Variants in ALDH1L2 observed in about 807,000 individuals in gnomAD.
The protein encoded by ALDH1L2 is aldehyde dehydrogenase 1 family member L2.
In ALDH1L2, 91 loss-of-function variants were observed where a neutral mutation model predicts 111.0. The observed-to-expected ratio is 0.82, with a 90% CI of 0.69 to 0.98. ALDH1L2 has a LOEUF of 0.98. Among genes scored for constraint, ALDH1L2 ranks in the 50% least tolerant of loss-of-function variants. The pLI, the probability that ALDH1L2 is intolerant of heterozygous loss-of-function variation, is 0.00. For synonymous variants in ALDH1L2, 374 were observed against 392.6 expected (o/e 0.95, Z 0.56); for missense variants, 995 against 1,126.8 (o/e 0.88, Z 1.67).
intron 12 of ALDH1L2, chr12:105,050,457 C>T (rs796175287): frequency 2.4e-5 from 5 of 210,354 alleles, no homozygotes; most frequent in Non-Finnish European, 3.9e-5. Context: ...GCAACGTACA[C>T]AATGAATTAC....
rs563535261 is a variant in ALDH1L2 at position 105,048,723 on chromosome 12, G to A, written c.1686+1185C>T. The A allele has an allele frequency of 6.0e-4, 92 of 152,218 alleles. 1 individual carries two copies. Among genetic ancestry groups the A allele is most frequent in the African/African-American group, 2.1e-3 (87 of 41,526 alleles). The allele number at this position is 152,218 out of a possible 1,614,324, so 9.4% of individuals were successfully genotyped here. ...TTATTATTCCTGTATCTTTATCAAA[G>A]TTTTTCTTTAAAAAAATTTTTTTTT... On this transcript the variant is annotated intron_variant, in intron 13 of 22. Coordinates refer to ENST00000258494, the MANE Select transcript of ALDH1L2 (RefSeq NM_001034173.4).
intron 10 of ALDH1L2, among the ~76,000 whole-genome samples, chr12:105,055,840 G>A (rs1168705391): frequency 6.6e-6 from 1 of 151,892 alleles, no homozygotes; most frequent in Non-Finnish European, 1.5e-5. Context: ...ATTCAAGAAG[G>A]TGAAAAAAGC....
intron 13 of ALDH1L2, 176 bp downstream of exon 13, chr12:105,049,732 C>G (rs1876133239): frequency 1.5e-6 from 1 of 665,394 alleles, no homozygotes; most frequent in Admixed American, 3.8e-5. Flanking sequence ...AATTTCTGTT[C>G]TTTATAAATT....
At chr12:105,075,784 CTTTA>C (rs1878021071) in intron 1 of ALDH1L2, among the ~76,000 whole-genome samples, 1 of 151,972 alleles carries the variant, frequency 6.6e-6, no homozygotes, top group Non-Finnish European at 1.5e-5. Context: ...ATATATTTTA[CTTTA>C]TTTATTTATT....
chr12:105,067,328 A>C (rs1175303049), intron 4 of ALDH1L2, among the ~76,000 whole-genome samples: 1 of 152,122 alleles, frequency 6.6e-6, no homozygotes, highest in Non-Finnish European at 1.5e-5. Flanking sequence ...AGGTCTATCT[A>C]TTGCCAATCG....
chr12:105,027,508 C>CCAT (rs1874474715), intron 21 of ALDH1L2, among the ~76,000 whole-genome samples: 1 of 152,174 alleles, frequency 6.6e-6, no homozygotes, highest in Admixed American at 6.6e-5. Context: ...TAGGGTGGTT[C>CCAT]TGTGAGAGGG....
intron 1 of ALDH1L2, 33 bp downstream of exon 1, chr12:105,084,356 G>T: frequency 6.6e-7 from 1 of 1,505,252 alleles, no homozygotes; most frequent in South Asian, 1.2e-5. Context: ...AGGACAGGGT[G>T]ACAGCCGGGA....
chr12:105,058,957 C>CAA (rs201649829), intron 9 of ALDH1L2, among the ~76,000 whole-genome samples: 24 of 146,688 alleles, frequency 1.6e-4, no homozygotes, highest in African/African-American at 5.8e-4. Context: ...ATCTTGCTAG[C>CAA]AAAAAAAAAA....
Position 105,075,333 on chromosome 12 carries a change from C to T in ALDH1L2, c.49-1328G>A, listed in dbSNP as rs181131188. Reference sequence around the variant, plus strand: ...GGCGCGGTGGCTCACGCCTGTAATCCCAGCACTTTGGGAGGCTGAGGCGGG... The same window carrying T: ...GGCGCGGTGGCTCACGCCTGTAATCTCAGCACTTTGGGAGGCTGAGGCGGG... On this transcript the variant is annotated intron_variant, in intron 1 of 22. Coordinates refer to ENST00000258494, the MANE Select transcript of ALDH1L2 (RefSeq NM_001034173.4). Among the ~76,000 whole-genome samples, 335 of 152,294 alleles carry T rather than the reference C, an allele frequency of 2.2e-3. 4 individuals are homozygous for T. Among genetic ancestry groups the T allele is most frequent in the East Asian group, 0.02 (103 of 5,186 alleles).
At chr12:105,072,831 G>A (rs995879428) in intron 2 of ALDH1L2, among the ~76,000 whole-genome samples, 8 of 152,130 alleles carry the variant, frequency 5.3e-5, no homozygotes, top group South Asian at 4.1e-4. Context: ...AAAATTAGCC[G>A]GGTATGATGG....
intron 10 of ALDH1L2, among the ~76,000 whole-genome samples, chr12:105,056,058 C>T (rs145646309): frequency 1.4e-3 from 208 of 152,184 alleles, no homozygotes; most frequent in African/African-American, 4.8e-3. Context: ...CAAGAATGCA[C>T]AATCCAAGAA....
chr12:105,060,906 G>A (rs1253840468), intron 9 of ALDH1L2, 75 bp downstream of exon 9: 7 of 1,333,528 alleles, frequency 5.2e-6, no homozygotes, highest in Non-Finnish European at 7.5e-6. Context: ...GATGTGTGTG[G>A]ATTTCACTGT....
chr12:105,074,173 C>G (rs1343536636), intron 1 of ALDH1L2, 168 bp from the exon 2 acceptor site: 1 of 827,632 alleles, frequency 1.2e-6, no homozygotes, highest in Non-Finnish European at 1.8e-6. Flanking sequence ...GAAACCTACC[C>G]TTGGCCGGGC....
At chr12:105,044,273 C>T (rs1002716767) in intron 15 of ALDH1L2, among the ~76,000 whole-genome samples, 1 of 152,114 alleles carries the variant, frequency 6.6e-6, no homozygotes, top group African/African-American at 2.4e-5. Context: ...TACTCATTGC[C>T]ATTCCTCAGT....
intron 1 of ALDH1L2, among the ~76,000 whole-genome samples, chr12:105,077,416 G>A (rs931045779): frequency 4.6e-5 from 7 of 151,488 alleles, no homozygotes; most frequent in African/African-American, 7.3e-5. Flanking sequence ...GATTACAGGC[G>A]CACGCCGTCA....
chr12:105,046,819 C>T lies in ALDH1L2; in HGVS notation c.1758-4G>A, dbSNP rs749459447. 71 of 1,613,642 alleles carry T rather than the reference C, an allele frequency of 4.4e-5. No individual in the cohort carries two copies. In the Admixed American group the frequency reaches 1.2e-3, roughly 27 times the overall value. On this transcript the variant is annotated splice_polypyrimidine_tract_variant and splice_region_variant and intron_variant, in intron 14 of 22. Coordinates refer to ENST00000258494, the MANE Select transcript of ALDH1L2 (RefSeq NM_001034173.4). ...GGGAATAATAATGGCACAGACACTG[C>T]AGGGGAAGAAATTCGACATGCTTAG...
chr12:105,044,217 A>C (rs1875705208), intron 15 of ALDH1L2, among the ~76,000 whole-genome samples: 1 of 152,200 alleles, frequency 6.6e-6, no homozygotes, highest in Admixed American at 6.5e-5. Context: ...CTATCTGGCA[A>C]CTGGTATGCA....
Position 105,070,585 on chromosome 12 carries a change from G to A in ALDH1L2, c.413C>T (p.Ala138Val), listed in dbSNP as rs1408586733. Residue 138 changes from alanine to valine, a missense_variant, in exon 3 of 23, where the codon GCC becomes GTC. By Grantham distance (64) the Ala-to-Val change is moderately conservative. Coordinates refer to ENST00000258494, the MANE Select transcript of ALDH1L2 (RefSeq NM_001034173.4). ...AAAATCTCACCAATTGATAGCAGAG[G>A]CTCCTCTGTGCCTGGGCAGGATGGA... Reference protein sequence around the residue: ...HPSILPRHRGASAINWTLIMG... With the variant: ...HPSILPRHRGVSAINWTLIMG... 1.2e-6 allele frequency: 2 copies of A among 1,611,350 alleles called. No homozygotes were observed. The highest frequency in any genetic ancestry group is 2.2e-5 in the East Asian group (1 of 44,878).
At chr12:105,057,544 G>T (rs1477686505) in intron 10 of ALDH1L2, among the ~76,000 whole-genome samples, 1 of 151,948 alleles carries the variant, frequency 6.6e-6, no homozygotes, top group African/African-American at 2.4e-5. Flanking sequence ...AACAAACTGT[G>T]GTATACTTAT....
Sources: gnomAD v4.1 joint callset for allele counts (sites outside exome capture counted in the v4.1 genomes callset) on GRCh38, gnomAD v4.1.1 for gene constraint, MANE v1.5 for transcripts, NCBI Gene and HGNC (gene_info 2026-07-23, HGNC 2026-07-21) for gene names.